The following MROH9 variants were observed in gnomAD, a reference collection of about 807,000 sequenced individuals.
MROH9 encodes the protein maestro heat-like repeat-containing protein family member 9.
In MROH9, 92 loss-of-function variants were observed where a neutral mutation model predicts 98.2. The ratio of observed to expected loss-of-function variants is 0.94; its 90% CI spans 0.79 to 1.11. MROH9 has a LOEUF of 1.11. Ranked by LOEUF, MROH9 falls within the 50% of genes most tolerant of loss-of-function variation. The probability of loss-of-function intolerance (pLI) is 0.00; values close to 1 mark genes in which losing one functional copy is unlikely to be tolerated. For synonymous variants in MROH9, 397 were observed against 368.9 expected, an observed-to-expected ratio of 1.08 and a Z score of -0.87; for missense variants, 1,057 against 1,014.8, an observed-to-expected ratio of 1.04 and a Z score of -0.57.
intron 3 of MROH9, among the ~76,000 whole-genome samples, chr1:170,953,038 A>C (rs1649616009): frequency 1.3e-5 from 2 of 152,130 alleles, no homozygotes; most frequent in Admixed American, 1.3e-4. Flanking sequence ...ACTTTGAAAT[A>C]TACTTGTCAA....
chr1:170,959,682 C>A (rs1649939283), intron 5 of MROH9, 85 bp downstream of exon 5: 2 of 1,245,184 alleles, frequency 1.6e-6, no homozygotes, highest in East Asian at 2.5e-5. Context: ...AGGTGATAAT[C>A]TTTAGGGTCC....
At chr1:171,011,883 T>TG (rs1652166163) in intron 15 of MROH9, among the ~76,000 whole-genome samples, 1 of 123,870 alleles carries the variant, frequency 8.1e-6, no homozygotes, top group African/African-American at 3.7e-5. Context: ...AATTCTATTG[T>TG]TTTTTTTGTT....
At position 170,989,771 on chromosome 1, in the gene MROH9, A is replaced by G. The variant is rs547750517; in HGVS notation, c.880-84A>G. 4,383 of 1,284,734 alleles carry G rather than the reference A, an allele frequency of 3.4e-3. 12 individuals carry two copies. Among genetic ancestry groups the G allele is most frequent in the Non-Finnish European group, 4.5e-3 (4,151 of 931,300 alleles). The allele number at this position is 1,284,734 out of a possible 1,614,324, so 79.6% of individuals were successfully genotyped here. A position where few individuals can be genotyped will look rare whatever the true frequency, so the allele number is the denominator to read the frequency against. ...GCTTTGGTAATTCTGAGAAAAAGTGAATTCTTATGTCCAAGAAATGCCTTG... is the reference window on the plus strand; with the variant it reads ...GCTTTGGTAATTCTGAGAAAAAGTGGATTCTTATGTCCAAGAAATGCCTTG... On this transcript the variant is annotated intron_variant, in intron 10 of 21. Transcript: ENST00000367759.
intron 12 of MROH9, among the ~76,000 whole-genome samples, chr1:170,993,040 C>T (rs190979228): frequency 2.0e-5 from 3 of 151,614 alleles, no homozygotes; most frequent in Middle Eastern, 3.4e-3. Flanking sequence ...TGTATTTCTA[C>T]GATGCCAATT....
rs559083565 is a variant in MROH9, at chr1:171,055,669, G to A, written c.2282-6463G>A. Among the ~76,000 whole-genome samples the A allele has an allele frequency of 2.7e-5, 4 of 150,606 alleles. No homozygotes were observed. The East Asian group carries it at 5.8e-4, about 22-fold the overall frequency. On this transcript the variant is annotated intron_variant, in intron 20 of 21. Coordinates refer to ENST00000367759, the MANE Select transcript of MROH9 (RefSeq NM_001163629.2). ...TACAGTGGACTTTGGGGACTCAGGG[G>A]AAAAGGTGGGAAGGGATGAGGGATA...
chr1:171,013,047 G>A (rs187648470), intron 15 of MROH9, among the ~76,000 whole-genome samples: 2 of 152,148 alleles, frequency 1.3e-5, no homozygotes, highest in East Asian at 3.9e-4. Flanking sequence ...AACACACCCT[G>A]CTTCATATTC....
chr1:170,963,177 C>T (rs1650093330), intron 6 of MROH9, among the ~76,000 whole-genome samples: 1 of 150,136 alleles, frequency 6.7e-6, no homozygotes, highest in Admixed American at 6.6e-5. Flanking sequence ...AGGACATGAA[C>T]AGACACTTTT....
At chr1:171,035,128 A>ATT (rs887099623) in intron 20 of MROH9, among the ~76,000 whole-genome samples, 240 of 152,250 alleles carry the variant, frequency 1.6e-3, no homozygotes, top group African/African-American at 5.6e-3. Context: ...TAAACAAAAT[A>ATT]TTTCTAAAGA....
chr1:170,952,755 AT>A (rs879453793), intron 3 of MROH9, among the ~76,000 whole-genome samples: 18 of 124,042 alleles, frequency 1.5e-4, no homozygotes, highest in African/African-American at 2.2e-4. Context: ...ATAATAAAAA[AT>A]ATATATATAT....
rs113580818 is a variant in MROH9, at chr1:170,948,700, A to T, written c.72+1127A>T. Among the ~76,000 whole-genome samples, 1,385 of 152,202 alleles carry T rather than the reference A, an allele frequency of 9.1e-3. 7 individuals are homozygous for T. The highest frequency in any genetic ancestry group is 0.013 in the Non-Finnish European group (898 of 67,988). On this transcript the variant is annotated intron_variant, in intron 3 of 21. Coordinates refer to ENST00000367759, the MANE Select transcript of MROH9 (RefSeq NM_001163629.2). ...TAGAAACTGTTATAAGCTATGAAGAAGTTACAATATTCAGGAAATGATAGA... is the reference window on the plus strand; with the variant it reads ...TAGAAACTGTTATAAGCTATGAAGATGTTACAATATTCAGGAAATGATAGA...
intron 20 of MROH9, among the ~76,000 whole-genome samples, chr1:171,044,762 A>G (rs563743124): frequency 6.6e-6 from 1 of 151,724 alleles, no homozygotes; most frequent in Non-Finnish European, 1.5e-5. Context: ...AGTTGCTCAT[A>G]CTAGCCACTA....
chr1:171,061,166 G>A (rs1359722273), intron 20 of MROH9, among the ~76,000 whole-genome samples: 1 of 152,096 alleles, frequency 6.6e-6, no homozygotes, highest in African/African-American at 2.4e-5. Flanking sequence ...AAATTACAAT[G>A]TGATATTATC....
chr1:171,002,525 A>G (rs1030071514), intron 15 of MROH9, among the ~76,000 whole-genome samples: 6 of 152,092 alleles, frequency 3.9e-5, no homozygotes, highest in Admixed American at 3.9e-4. Context: ...GCTTAGTTTC[A>G]CTGATTACAA....
intron 17 of MROH9, among the ~76,000 whole-genome samples, chr1:171,021,476 C>A (rs1165995833): frequency 6.6e-6 from 1 of 152,124 alleles, no homozygotes; most frequent in Non-Finnish European, 1.5e-5. Context: ...ATCATCTGAT[C>A]TTCAACAATC....
intron 20 of MROH9, among the ~76,000 whole-genome samples, chr1:171,041,571 C>A (rs1275294761): frequency 1.3e-5 from 2 of 151,340 alleles, no homozygotes; most frequent in African/African-American, 4.8e-5. Context: ...ATTTGTTTTT[C>A]TTCGATTAGA....
At chr1:171,063,893 A>C (rs1283752959) in intron 21 of MROH9, among the ~76,000 whole-genome samples, 2 of 152,088 alleles carry the variant, frequency 1.3e-5, no homozygotes, top group Non-Finnish European at 2.9e-5. Flanking sequence ...TTTTTCTTTT[A>C]ATGGGGTCTA....
intron 20 of MROH9, among the ~76,000 whole-genome samples, chr1:171,043,763 T>A (rs1653379124): frequency 1.3e-5 from 2 of 152,104 alleles, no homozygotes; most frequent in African/African-American, 2.4e-5. Flanking sequence ...GGATTCAAAT[T>A]TTTTTCACAT....
intron 20 of MROH9, among the ~76,000 whole-genome samples, chr1:171,036,447 A>G (rs1476312078): frequency 1.3e-5 from 2 of 152,100 alleles, no homozygotes; most frequent in Admixed American, 1.3e-4. Context: ...TGTAGTGGGA[A>G]CAGAAATTGA....
At chr1:170,975,621 G>T (rs772147133) in intron 8 of MROH9, among the ~76,000 whole-genome samples, 8 of 152,106 alleles carry the variant, frequency 5.3e-5, no homozygotes, top group Non-Finnish European at 1.0e-4. Flanking sequence ...TACACATTAT[G>T]TAGTGAGAAC....
Sources: gnomAD v4.1 joint callset for allele counts (sites outside exome capture counted in the v4.1 genomes callset) on GRCh38, gnomAD v4.1.1 for gene constraint, MANE v1.5 for transcripts, NCBI Gene and HGNC (gene_info 2026-07-23, HGNC 2026-07-21) for gene names.